Variants in ARHGAP44 observed in about 807,000 individuals in gnomAD.
ARHGAP44 encodes Rho GTPase activating protein 44, also known as rho GTPase-activating protein 44.
A neutral mutation model predicts 106.8 loss-of-function variants in ARHGAP44; 43 were observed. The observed-to-expected ratio is 0.40, with a 90% confidence interval of 0.32 to 0.52. The LOEUF (loss-of-function observed/expected upper bound fraction) is 0.52, where lower values mean the gene tolerates loss of function less well. ARHGAP44 is among the 20% of genes least tolerant of loss of function. ARHGAP44 has a pLI of 0.48. For synonymous variants in ARHGAP44, 439 were observed against 410.3 expected, an observed-to-expected ratio of 1.07 and a Z score of -0.85; for missense variants, 866 against 1,050.5, an observed-to-expected ratio of 0.82 and a Z score of 2.43.
chr17:12,806,513 A>G (rs910892348), intron 1 of ARHGAP44, among the ~76,000 whole-genome samples: 1 of 152,128 alleles, frequency 6.6e-6, no homozygotes, highest in Non-Finnish European at 1.5e-5. Context: ...ACCTGGGTGA[A>G]TTGTATGGTC....
At chr17:12,815,101 A>G (rs2150785960) in intron 1 of ARHGAP44, among the ~76,000 whole-genome samples, 1 of 151,862 alleles carries the variant, frequency 6.6e-6, no homozygotes, top group South Asian at 2.1e-4. Context: ...GTGAGGACAA[A>G]AGGACTCTGC....
intron 16 of ARHGAP44, among the ~76,000 whole-genome samples, chr17:12,971,808 T>G (rs2039534427): frequency 6.6e-6 from 1 of 152,112 alleles, no homozygotes; most frequent in Non-Finnish European, 1.5e-5. Context: ...CCAGCGGAGA[T>G]GAGAAATACC....
chr17:12,871,122 C>T (rs926720834), intron 1 of ARHGAP44, among the ~76,000 whole-genome samples: 3 of 152,198 alleles, frequency 2.0e-5, no homozygotes, highest in African/African-American at 7.2e-5. Flanking sequence ...GTTCAAAAGT[C>T]AATTAAGTGC....
chr17:12,935,291 G>A (rs1213286977), intron 7 of ARHGAP44, among the ~76,000 whole-genome samples: 2 of 152,144 alleles, frequency 1.3e-5, no homozygotes, highest in Admixed American at 1.3e-4. Flanking sequence ...AAGGGCATAT[G>A]GGCCGGGTGC....
chr17:12,950,010 G>A (rs1163791319), intron 12 of ARHGAP44, among the ~76,000 whole-genome samples: 1 of 152,062 alleles, frequency 6.6e-6, no homozygotes, highest in Non-Finnish European at 1.5e-5. Context: ...GCACACTCTG[G>A]AACAATTAAA....
At chr17:12,933,677 T>C (rs2038463730) in intron 7 of ARHGAP44, among the ~76,000 whole-genome samples, 1 of 152,164 alleles carries the variant, frequency 6.6e-6, no homozygotes, top group African/African-American at 2.4e-5. Flanking sequence ...AGCAATGATG[T>C]AACAATAGAG....
chr17:12,948,752 C>CACACACACACACACACACACACACA (rs1221163562), intron 10 of ARHGAP44, among the ~76,000 whole-genome samples: 5,599 of 140,706 alleles, frequency 0.04, 331 homozygotes, highest in Admixed American at 0.054. Flanking sequence ...ACACACACAC[C>CACACACACACACACACACACACACA]CCCTGTAGAC....
At chr17:12,867,773 C>G (rs1014109427) in intron 1 of ARHGAP44, among the ~76,000 whole-genome samples, 3 of 152,132 alleles carry the variant, frequency 2.0e-5, no homozygotes, top group African/African-American at 7.2e-5. Flanking sequence ...CCTCTTGGGA[C>G]ACTTTTCTTA....
At chr17:12,866,976 C>G (rs901713323) in intron 1 of ARHGAP44, among the ~76,000 whole-genome samples, 1 of 152,082 alleles carries the variant, frequency 6.6e-6, no homozygotes, top group African/African-American at 2.4e-5. Context: ...TTTGTTGATT[C>G]TCATTTGCCT....
Position 12,949,105 on chromosome 17 carries a change from A to C in ARHGAP44, c.862-35A>C, listed in dbSNP as rs370546969. 11 of 1,537,526 alleles carry C rather than the reference A, an allele frequency of 7.2e-6. No homozygotes were observed. Among genetic ancestry groups the C allele is most frequent in the Non-Finnish European group, 9.7e-6 (11 of 1,135,492 alleles). The stretch of plus-strand genomic sequence containing the variant: ...TCTGCGCTTTGATGTTGTACCTTGG[A>C]GTTGCTGTGCGCTGACCCTCTGTCC... On this transcript the variant is annotated intron_variant, in intron 10 of 20. Transcript: ENST00000379672. The surrounding 1 kb of genome is among the most constrained non-coding windows in gnomAD (Gnocchi z 4.1).
chr17:12,864,037 G>A lies in ARHGAP44; in HGVS notation c.54-30903G>A, dbSNP rs1052046587. 1.3e-5 allele frequency among the ~76,000 whole-genome samples: 2 copies of A among 152,312 alleles called. 1 individual carries two copies. Among genetic ancestry groups the A allele is most frequent in the Admixed American group, 1.3e-4 (2 of 15,296 alleles). ...AGTATGGTGGTGGGGTTCCAGGACT[G>A]AGCATCCATGTCACCTACCCTGGGA... On this transcript the variant is annotated intron_variant, in intron 1 of 20. Coordinates refer to ENST00000379672, the MANE Select transcript of ARHGAP44 (RefSeq NM_014859.6).
At chr17:12,803,118 G>A (rs1160230397) in intron 1 of ARHGAP44, among the ~76,000 whole-genome samples, 5 of 150,134 alleles carry the variant, frequency 3.3e-5, no homozygotes, top group Admixed American at 2.0e-4. Context: ...GATTACAGGC[G>A]CCCACCACCA....
At chr17:12,922,790 G>T (rs2038122755) in intron 6 of ARHGAP44, among the ~76,000 whole-genome samples, 2 of 152,096 alleles carry the variant, frequency 1.3e-5, no homozygotes, top group Admixed American at 1.3e-4. Flanking sequence ...GTATAGACGG[G>T]GTTTCGCCAT....
At chr17:12,877,031 T>C (rs1482001261) in intron 1 of ARHGAP44, among the ~76,000 whole-genome samples, 1 of 152,052 alleles carries the variant, frequency 6.6e-6, no homozygotes, top group Non-Finnish European at 1.5e-5. Flanking sequence ...ATTTGTGATA[T>C]AAAATTAAGA....
At chr17:12,852,629 C>T (rs531923681) in intron 1 of ARHGAP44, among the ~76,000 whole-genome samples, 7 of 151,568 alleles carry the variant, frequency 4.6e-5, no homozygotes, top group Non-Finnish European at 1.0e-4. Context: ...GCAAGCTCCA[C>T]CTCCTGGGTT....
intron 18 of ARHGAP44, among the ~76,000 whole-genome samples, chr17:12,978,044 A>AAAAAAAAAAAAAAAAC (rs2039735837): frequency 6.8e-6 from 1 of 147,440 alleles, no homozygotes; most frequent in East Asian, 2.0e-4. Context: ...CTCAAAAAAA[A>AAAAAAAAAAAAAAAAC]AAAAAAAAAA....
rs189811904 is a variant in ARHGAP44 at position 12,837,912 on chromosome 17, A to G, written c.53+48021A>G. Among the ~76,000 whole-genome samples the G allele has an allele frequency of 3.9e-4, 59 of 152,212 alleles. 3 individuals carry two copies. In the East Asian group the frequency reaches 4.1e-3, roughly 10 times the overall value. ...ATAATCTCATATTTGAAGATGATCA[A>G]TGTGCTCCATTGAGAACCCATCCTT... On this transcript the variant is annotated intron_variant, in intron 1 of 20. Coordinates refer to ENST00000379672, the MANE Select transcript of ARHGAP44 (RefSeq NM_014859.6).
chr17:12,941,137 A>G lies in ARHGAP44; in HGVS notation c.651+13A>G. The G allele has an allele frequency of 6.2e-7, 1 of 1,613,272 alleles. No individual in the cohort carries two copies. On this transcript the variant is annotated intron_variant, in intron 8 of 20. Transcript: ENST00000379672. The stretch of plus-strand genomic sequence containing the variant: ...CTACTTTCAAACGGTAAGTGCCCAG[A>G]AAGGTGAGATTGCTTAAAGGCTGTT...
intron 1 of ARHGAP44, among the ~76,000 whole-genome samples, chr17:12,791,379 A>G (rs1364155226): frequency 6.6e-6 from 1 of 152,144 alleles, no homozygotes; most frequent in East Asian, 1.9e-4. Context: ...AGCAGATGAC[A>G]GTCAAGCCGA....
Sources: allele counts gnomAD v4.1 joint callset (sites outside exome capture counted in the v4.1 genomes callset), GRCh38; gene constraint gnomAD v4.1.1; non-coding constraint Gnocchi (gnomAD v3.1); transcripts MANE v1.5; gene names NCBI Gene and HGNC (gene_info 2026-07-23, HGNC 2026-07-21).